The following EPHA3 variants were observed in gnomAD, a reference collection of about 807,000 sequenced individuals.
EPHA3 encodes the protein ephrin type-A receptor 3.
In EPHA3, 42 loss-of-function variants were observed where a neutral mutation model predicts 107.1. That is an observed-to-expected ratio of 0.39 (90% CI 0.31 to 0.51). The LOEUF (loss-of-function observed/expected upper bound fraction) is 0.51, where lower values mean the gene tolerates loss of function less well. EPHA3 is among the 20% of genes least tolerant of loss of function. EPHA3 has a pLI of 0.78. For missense variants in EPHA3, 1,183 were observed against 1,211.2 expected (o/e 0.98, Z 0.35); for synonymous variants, 461 against 424.8 (o/e 1.09, Z -1.05).
intron 2 of EPHA3, among the ~76,000 whole-genome samples, chr3:89,157,499 C>G (rs1196234767): frequency 6.6e-6 from 1 of 151,858 alleles, no homozygotes; most frequent in Non-Finnish European, 1.5e-5. Context: ...CATAGAATAT[C>G]ATATTTCTTT....
At chr3:89,383,837 A>G (rs185088952) in intron 5 of EPHA3, among the ~76,000 whole-genome samples, 2 of 151,436 alleles carry the variant, frequency 1.3e-5, no homozygotes, top group Admixed American at 1.3e-4. Flanking sequence ...TTTAGTAGAG[A>G]TGGGGTTTCA....
chr3:89,377,196 T>A (rs1259231067), intron 5 of EPHA3, among the ~76,000 whole-genome samples: 5 of 152,046 alleles, frequency 3.3e-5, no homozygotes, highest in Non-Finnish European at 7.4e-5. Flanking sequence ...CTAAAGCACT[T>A]CCCAACCTGT....
At chr3:89,403,925 G>A (rs1709008551) in intron 7 of EPHA3, among the ~76,000 whole-genome samples, 2 of 152,126 alleles carry the variant, frequency 1.3e-5, no homozygotes, top group African/African-American at 4.8e-5. Flanking sequence ...CACTGTGCAT[G>A]TGTGTTGTGT....
chr3:89,419,039 T>C (rs1709304162), intron 10 of EPHA3, among the ~76,000 whole-genome samples, 166 bp from the exon 11 acceptor site: 1 of 151,476 alleles, frequency 6.6e-6, no homozygotes. Context: ...CTAGGCAGTT[T>C]CATATGATTA....
chr3:89,443,678 A>C (rs966790049), intron 13 of EPHA3, among the ~76,000 whole-genome samples: 7 of 152,182 alleles, frequency 4.6e-5, no homozygotes, highest in Non-Finnish European at 8.8e-5. Flanking sequence ...CAAGCAACAA[A>C]GTTTTGTAAA....
intron 16 of EPHA3, among the ~76,000 whole-genome samples, chr3:89,477,711 C>T (rs1329713274): frequency 3.3e-5 from 5 of 152,052 alleles, no homozygotes; most frequent in Admixed American, 6.5e-5. Flanking sequence ...TGATACTTTA[C>T]GCCCTGGTCA....
intron 2 of EPHA3, among the ~76,000 whole-genome samples, chr3:89,179,104 T>C (rs1705381893): frequency 6.6e-6 from 1 of 152,038 alleles, no homozygotes; most frequent in Non-Finnish European, 1.5e-5. Flanking sequence ...TAATGAACCA[T>C]TTGAGTAGTG....
At chr3:89,257,547 A>T (rs1162137166) in intron 3 of EPHA3, among the ~76,000 whole-genome samples, 2 of 152,038 alleles carry the variant, frequency 1.3e-5, no homozygotes, top group African/African-American at 2.4e-5. Context: ...TATTATTTGA[A>T]AGCCAGAAAG....
At chr3:89,365,895 C>T (rs923826959) in intron 5 of EPHA3, among the ~76,000 whole-genome samples, 15 of 150,696 alleles carry the variant, frequency 1.0e-4, no homozygotes, top group Admixed American at 2.7e-4. Flanking sequence ...TTATAGGTAG[C>T]GGTGCTTGTG....
intron 13 of EPHA3, among the ~76,000 whole-genome samples, chr3:89,435,175 C>T (rs1709642470): frequency 6.6e-6 from 1 of 151,896 alleles, no homozygotes; most frequent in African/African-American, 2.4e-5. Context: ...TCCAGGAATG[C>T]TGATATTGCA....
intron 5 of EPHA3, among the ~76,000 whole-genome samples, chr3:89,359,199 A>AAG (rs1351771820): frequency 6.6e-6 from 1 of 151,150 alleles, no homozygotes; most frequent in East Asian, 1.9e-4. Flanking sequence ...AAATGTTTAG[A>AAG]ATAATCATTT....
intron 3 of EPHA3, among the ~76,000 whole-genome samples, chr3:89,320,157 G>T (rs1224958012): frequency 6.6e-6 from 1 of 151,872 alleles, no homozygotes; most frequent in African/African-American, 2.4e-5. Context: ...ATAGAAGAAA[G>T]ATATACATAC....
At chr3:89,259,619 A>G (rs1705368590) in intron 3 of EPHA3, among the ~76,000 whole-genome samples, 1 of 152,190 alleles carries the variant, frequency 6.6e-6, no homozygotes, top group Admixed American at 6.5e-5. Flanking sequence ...GTAGATAGTA[A>G]AATGGTTGCT....
chr3:89,472,359 C>G, intron 15 of EPHA3, 105 bp from the exon 16 acceptor site: 1 of 1,202,898 alleles, frequency 8.3e-7, no homozygotes, highest in South Asian at 1.5e-5. Flanking sequence ...GAAAGGAACA[C>G]CATATGAAGT....
At chr3:89,411,281 A>G (rs1012093200) in intron 9 of EPHA3, among the ~76,000 whole-genome samples, 8 of 151,854 alleles carry the variant, frequency 5.3e-5, no homozygotes, top group Non-Finnish European at 1.2e-4. Flanking sequence ...TGTCCAAAGC[A>G]AGGGACAGAA....
intron 5 of EPHA3, among the ~76,000 whole-genome samples, chr3:89,360,860 C>T (rs535532902): frequency 3.3e-5 from 5 of 151,022 alleles, no homozygotes; most frequent in African/African-American, 1.2e-4. Flanking sequence ...ATTTAATTCA[C>T]TTCTCATGTA....
chr3:89,265,670 A>G (rs993187), intron 3 of EPHA3, among the ~76,000 whole-genome samples: 28,601 of 152,084 alleles, frequency 0.19, 3,473 homozygotes, highest in Non-Finnish European at 0.27. Context: ...AGAGAAAAGT[A>G]TAGCAGAACC....
At chr3:89,151,836 C>T (rs1704696700) in intron 2 of EPHA3, among the ~76,000 whole-genome samples, 1 of 151,886 alleles carries the variant, frequency 6.6e-6, no homozygotes, top group African/African-American at 2.4e-5. Flanking sequence ...ATCAAAACAT[C>T]CAAATCCATT....
chr3:89,399,253 G>A, intron 6 of EPHA3, 65 bp from the exon 7 acceptor site: 1 of 1,468,410 alleles, frequency 6.8e-7, no homozygotes, highest in Non-Finnish European at 9.3e-7. Context: ...GTGGTTCACT[G>A]TTTATCATTT....
Sources: gnomAD v4.1 joint callset for allele counts (sites outside exome capture counted in the v4.1 genomes callset) on GRCh38, gnomAD v4.1.1 for gene constraint, MANE v1.5 for transcripts, NCBI Gene and HGNC (gene_info 2026-07-23, HGNC 2026-07-21) for gene names.